SH3TC2: variants seen among roughly 807,000 people sequenced by gnomAD.
SH3TC2 encodes SH3 domain and tetratricopeptide repeat-containing protein 2.
Under a neutral mutation model 124.5 loss-of-function variants are expected in SH3TC2, and 87 were observed. The ratio of observed to expected loss-of-function variants is 0.70; its 90% CI spans 0.59 to 0.84. The LOEUF is 0.84. SH3TC2 is among the 40% of genes least tolerant of loss of function. The probability of loss-of-function intolerance (pLI) is 0.00; values close to 1 mark genes in which losing one functional copy is unlikely to be tolerated. For synonymous variants in SH3TC2, 634 were observed against 628.5 expected (o/e 1.01, Z -0.13); for missense variants, 1,536 against 1,566.4 (o/e 0.98, Z 0.33).
rs748766254 is a variant in SH3TC2 at position 149,031,695 on chromosome 5, G to C, written c.1002-8C>G. The C allele has an allele frequency of 6.2e-7, 1 of 1,613,730 alleles. No homozygotes were observed. Among genetic ancestry groups the C allele is most frequent in the Non-Finnish European group, 8.5e-7 (1 of 1,179,984 alleles). ...AAGGCAGAGTTCCTGCTCCTGCATC[G>C]GGGCAAAAAACACAGAGACAGATTA... On this transcript the variant is annotated splice_region_variant and splice_polypyrimidine_tract_variant and intron_variant, in intron 8 of 16. Transcript: ENST00000515425.
rs761890589 is a variant in SH3TC2 at position 148,984,481 on chromosome 5, C to A, written c.*20230G>T. Among the ~76,000 whole-genome samples, 1 of 152,024 alleles carries A rather than the reference C, an allele frequency of 6.6e-6. No homozygotes were observed. The highest frequency in any genetic ancestry group is 1.5e-5 in the Non-Finnish European group (1 of 67,988). On this transcript the variant is annotated 3_prime_UTR_variant, in exon 17 of 17. Coordinates refer to ENST00000515425, the MANE Select transcript of SH3TC2 (RefSeq NM_024577.4). ...AACTATATTGGGAAAAACCCTGGGG[C>A]CTTGTCTGGGCTCATGACTCATGAG...
Position 148,994,697 on chromosome 5 carries a change from AGGATGGATGGATGGATGGATGGAT to A in SH3TC2, c.*9990_*10013del. ...TTGGATAAATGAATGGATGGATGGAAGGATGGATGGATGGATGGATGGATGGATGGATGGATGGATGAATAGATG... is the reference window on the plus strand; with the variant it reads ...TTGGATAAATGAATGGATGGATGGAAGGATGGATGGATGGATGAATAGATG... On this transcript the variant is annotated 3_prime_UTR_variant, in exon 17 of 17. Transcript: ENST00000515425. 6.9e-6 allele frequency among the ~76,000 whole-genome samples: 1 copy of A among 144,840 alleles called. No individual in the cohort carries two copies. The highest frequency in any genetic ancestry group is 2.3e-4 in the South Asian group (1 of 4,320).
chr5:149,028,772 C>T, intron 9 of SH3TC2, 54 bp from the exon 10 acceptor site: 1 of 1,592,318 alleles, frequency 6.3e-7, no homozygotes, highest in Non-Finnish European at 8.6e-7. Flanking sequence ...GCCACCATGC[C>T]CATGCCTCCA....
chr5:149,041,193 T>C (rs1348305594), intron 6 of SH3TC2, among the ~76,000 whole-genome samples: 1 of 152,214 alleles, frequency 6.6e-6, no homozygotes, highest in Non-Finnish European at 1.5e-5. Context: ...TGCTGCTAGG[T>C]ACAATGCCCA....
rs1231316481 is a variant in SH3TC2, at chr5:148,999,165, A to G, written c.*5546T>C. On this transcript the variant is annotated 3_prime_UTR_variant, in exon 17 of 17. Coordinates refer to ENST00000515425, the MANE Select transcript of SH3TC2 (RefSeq NM_024577.4). ...GGTCACTCAGTGATGAAAAGGAGAA[A>G]GAGCTTCAGACCCAAGTGTCCCTGA... Among the ~76,000 whole-genome samples, 1 of 152,232 alleles carries G rather than the reference A, an allele frequency of 6.6e-6. No individual in the cohort carries two copies. The highest frequency in any genetic ancestry group is 1.9e-4 in the East Asian group (1 of 5,196).
intron 8 of SH3TC2, among the ~76,000 whole-genome samples, chr5:149,037,053 C>T (rs1754294744): frequency 6.6e-6 from 1 of 152,138 alleles, no homozygotes; most frequent in South Asian, 2.1e-4. Flanking sequence ...AGTAGCTCCC[C>T]ATTCTCTGCC....
chr5:149,019,748 TCATTG>T (rs1436434637), intron 12 of SH3TC2, among the ~76,000 whole-genome samples: 6 of 152,190 alleles, frequency 3.9e-5, no homozygotes, highest in Non-Finnish European at 8.8e-5. Context: ...AAAGTGAGCT[TCATTG>T]CTTTTCAACT....
At chr5:149,026,169 C>G (rs1754059584) in intron 12 of SH3TC2, 1 of 198,126 alleles carries the variant, frequency 5.0e-6, no homozygotes, top group Admixed American at 5.3e-5. Context: ...ATAACTGCCA[C>G]TTCTCTGAAT....
At chr5:149,010,784 C>G (rs1753772548) in intron 13 of SH3TC2, among the ~76,000 whole-genome samples, 1 of 151,590 alleles carries the variant, frequency 6.6e-6, no homozygotes, top group Non-Finnish European at 1.5e-5. Context: ...GATGTTGAGT[C>G]AAAGAAAAAG....
rs1301776075 is a variant in SH3TC2 at position 149,006,953 on chromosome 5, C to A, written c.3603G>T (p.Gln1201His). Residue 1201 changes from glutamine (Q) to histidine (H), a missense_variant, in exon 16 of 17, where the codon CAG (glutamine) becomes CAT (histidine). This residue lies in a region of SH3TC2 where 426 missense variants were observed against 443.5 expected (regional missense o/e 0.96). Coordinates refer to ENST00000515425, the MANE Select transcript of SH3TC2 (RefSeq NM_024577.4). ...KTLSLCPPWL[Q>H]SPKEALYYAK... Reference sequence around the variant, plus strand: ...CATAGTACAGGGCCTCCTTGGGACTCTGCAGCCATGGTGGACAGAGGGACA... The same window carrying A: ...CATAGTACAGGGCCTCCTTGGGACTATGCAGCCATGGTGGACAGAGGGACA... 1 of 1,614,014 alleles carries A rather than the reference C, an allele frequency of 6.2e-7. No individual in the cohort carries two copies. Among genetic ancestry groups the A allele is most frequent in the South Asian group, 1.1e-5 (1 of 91,086 alleles).
At chr5:149,046,906 T>C (rs534815758) in intron 3 of SH3TC2, 56 of 152,390 alleles carry the variant, frequency 3.7e-4, no homozygotes, top group African/African-American at 9.6e-4. Flanking sequence ...CCAAGCTCTC[T>C]ACTCATACAA....
Position 149,042,834 on chromosome 5 carries a change from T to C in SH3TC2, c.389A>G (p.Tyr130Cys). ...GAGATGTTCTAGACACATGGATACG[T>C]AGCCTAAGAAGTCAAGCCAACAAGA... ...WKFSTYLNLG[Y>C]VSMCLEHLLF... Residue 130 changes from tyrosine (Y) to cysteine (C), a missense_variant, in exon 5 of 17, where the codon TAC becomes TGC. By Grantham distance (194) the Tyr-to-Cys change is radical. Around this residue, in one of 3 missense-constraint regions of SH3TC2, gnomAD observed 1,102 missense variants for 1,098.6 expected, o/e 1.00. Transcript: ENST00000515425. The C allele has an allele frequency of 6.2e-7, 1 of 1,614,168 alleles. No individual in the cohort carries two copies. The highest frequency in any genetic ancestry group is 8.5e-7 in the Non-Finnish European group (1 of 1,180,032).
chr5:149,052,228 G>T lies in SH3TC2; in HGVS notation c.65C>A (p.Pro22His), dbSNP rs1754571175. ...SLTRGPGKET[P>H]SKDPTVSSEC... is the part of the protein sequence containing the mutation. Reference sequence around the variant, plus strand: ...ACTCGATACAGTTGGATCCTTGGAAGGAGTTTCTTTACCTGGAGAAGATGA... The same window carrying T: ...ACTCGATACAGTTGGATCCTTGGAATGAGTTTCTTTACCTGGAGAAGATGA... The change falls in exon 2 of 17, where the codon CCT becomes CAT. Residue 22 changes from proline to histidine, a missense_variant. Physicochemically the swap from Pro to His is moderately conservative, Grantham distance 77. Transcript: ENST00000515425. 6.2e-7 allele frequency: 1 copy of T among 1,611,480 alleles called. No individual in the cohort carries two copies. Among genetic ancestry groups the T allele is most frequent in the East Asian group, 2.2e-5 (1 of 44,838 alleles).
At chr5:149,047,659 A>T (rs947697063) in intron 3 of SH3TC2, 2 of 650,092 alleles carry the variant, frequency 3.1e-6, no homozygotes, top group Non-Finnish European at 5.3e-6. Context: ...AGCAACTCCA[A>T]GTTGCCTCAT....
chr5:149,045,860 TG>T, intron 3 of SH3TC2: 1 of 243,708 alleles, frequency 4.1e-6, no homozygotes, highest in Non-Finnish European at 8.4e-6. Flanking sequence ...TTGGCCAGGA[TG>T]GTCTCGATCT....
At chr5:149,028,861 T>A in intron 9 of SH3TC2, 143 bp from the exon 10 acceptor site, 1 of 843,546 alleles carries the variant, frequency 1.2e-6, no homozygotes, top group Non-Finnish European at 2.0e-6. Flanking sequence ...AGGGCAGAAT[T>A]ATCCTTTCAC....
At position 148,988,216 on chromosome 5, in the gene SH3TC2, T is replaced by C. The variant is rs561584947; in HGVS notation, c.*16495A>G. Among the ~76,000 whole-genome samples the C allele has an allele frequency of 1.1e-4, 17 of 152,278 alleles. No individual in the cohort carries two copies. In the South Asian group the frequency reaches 3.5e-3, roughly 32 times the overall value. On this transcript the variant is annotated 3_prime_UTR_variant, in exon 17 of 17. Coordinates refer to ENST00000515425, the MANE Select transcript of SH3TC2 (RefSeq NM_024577.4). ...TTTATGAAAAGTGGGTAACAAAGCA[T>C]CTTTACTCCTTCTCCCATGGACATG...
At chr5:149,040,557 GACA>G in intron 7 of SH3TC2, 44 bp downstream of exon 7, 1 of 1,533,352 alleles carries the variant, frequency 6.5e-7, no homozygotes, top group Middle Eastern at 1.7e-4. Flanking sequence ...TGAGAGGCAG[GACA>G]ACATTATCTC....
At position 148,984,413 on chromosome 5, in the gene SH3TC2, A is replaced by G. The variant is rs1183359443; in HGVS notation, c.*20298T>C. ...ATACATTTTAAAAGGAACAAATGCC[A>G]TATAAATACCAACTCCACTTGACTT... On this transcript the variant is annotated 3_prime_UTR_variant, in exon 17 of 17. Transcript: ENST00000515425. Among the ~76,000 whole-genome samples, 1 of 152,204 alleles carries G rather than the reference A, an allele frequency of 6.6e-6. No homozygotes were observed. Among genetic ancestry groups the G allele is most frequent in the Non-Finnish European group, 1.5e-5 (1 of 68,038 alleles).
Sources: allele counts gnomAD v4.1 joint callset (sites outside exome capture counted in the v4.1 genomes callset), GRCh38; gene constraint gnomAD v4.1.1; regional missense constraint gnomAD v4.1.1; transcripts MANE v1.5; gene names NCBI Gene and HGNC (gene_info 2026-07-23, HGNC 2026-07-21).